The following ZNF148 variants were observed in gnomAD, a reference collection of about 807,000 sequenced individuals.
ZNF148 encodes the protein Beta-Enolase Repressor Factor-1.
In ZNF148, 7 loss-of-function variants were observed where a neutral mutation model predicts 67.7. The observed-to-expected ratio is 0.10, with a 90% CI of 0.06 to 0.19. The LOEUF is 0.19. ZNF148 is among the 10% of genes least tolerant of loss of function. ZNF148 has a pLI of 1.00. For missense variants in ZNF148, 583 were observed against 947.1 expected (o/e 0.62, Z 5.05); for synonymous variants, 333 against 330.7 (o/e 1.01, Z -0.08).
intron 7 of ZNF148, among the ~76,000 whole-genome samples, chr3:125,237,817 T>G: frequency 6.6e-6 from 1 of 152,122 alleles, no homozygotes; most frequent in East Asian, 1.9e-4. Flanking sequence ...AATTCGCATC[T>G]AAAAGAGCCA....
intron 5 of ZNF148, among the ~76,000 whole-genome samples, chr3:125,280,783 C>T (rs1455051): frequency 0.77 from 105,190 of 135,764 alleles, 41,079 homozygotes; most frequent in African/African-American, 0.85. Context: ...AAAGGCACAA[C>T]ATTATGCTGA....
intron 1 of ZNF148, among the ~76,000 whole-genome samples, chr3:125,369,261 CAAAAAA>C (rs71148178): frequency 3.1e-4 from 4 of 12,890 alleles, no homozygotes; most frequent in Non-Finnish European, 4.7e-4. Flanking sequence ...GATCCTGCCT[CAAAAAA>C]AAAAAAAAAA....
At chr3:125,327,731 C>T (rs1941091556) in intron 2 of ZNF148, among the ~76,000 whole-genome samples, 1 of 152,048 alleles carries the variant, frequency 6.6e-6, no homozygotes, top group South Asian at 2.1e-4. Context: ...GGGAAATCCA[C>T]AAACATTTGG....
chr3:125,253,764 G>A (rs1037110693), intron 7 of ZNF148, among the ~76,000 whole-genome samples: 2 of 152,114 alleles, frequency 1.3e-5, no homozygotes, highest in East Asian at 1.9e-4. Flanking sequence ...TACTTGAAAA[G>A]TTGATGTTGT....
intron 7 of ZNF148, among the ~76,000 whole-genome samples, chr3:125,256,056 C>T (rs1273865791): frequency 1.3e-5 from 2 of 151,890 alleles, no homozygotes; most frequent in African/African-American, 4.8e-5. Context: ...ATATGCCCAG[C>T]TTTCCTCAAT....
At chr3:125,276,135 A>T (rs1246166913) in intron 7 of ZNF148, among the ~76,000 whole-genome samples, 1 of 152,308 alleles carries the variant, frequency 6.6e-6, no homozygotes, top group African/African-American at 2.4e-5. Context: ...TGTTGAATGA[A>T]TGAGTAAAAT....
chr3:125,347,091 T>TA (rs1941971983), intron 1 of ZNF148, among the ~76,000 whole-genome samples: 2 of 152,038 alleles, frequency 1.3e-5, no homozygotes, highest in African/African-American at 4.8e-5. Flanking sequence ...CATAAGCACT[T>TA]ATAATAGCAG....
At chr3:125,368,614 A>T (rs1344693433) in intron 1 of ZNF148, among the ~76,000 whole-genome samples, 1 of 152,198 alleles carries the variant, frequency 6.6e-6, no homozygotes, top group Non-Finnish European at 1.5e-5. Flanking sequence ...CATCAATAAG[A>T]CCATTCAGAA....
chr3:125,285,085 G>C (rs967287549), intron 5 of ZNF148, among the ~76,000 whole-genome samples: 1 of 152,150 alleles, frequency 6.6e-6, no homozygotes, highest in African/African-American at 2.4e-5. Context: ...TATCACATTA[G>C]TTATACTTCT....
intron 7 of ZNF148, among the ~76,000 whole-genome samples, chr3:125,239,405 C>A (rs1936244206): frequency 6.6e-6 from 1 of 152,048 alleles, no homozygotes; most frequent in African/African-American, 2.4e-5. Context: ...TACAAATGAC[C>A]AATCAGCACA....
intron 1 of ZNF148, among the ~76,000 whole-genome samples, chr3:125,356,783 T>C (rs1428804085): frequency 1.3e-5 from 2 of 152,232 alleles, no homozygotes; most frequent in African/African-American, 2.4e-5. Context: ...CAAGTAGTTC[T>C]TTCCTGGCAT....
At chr3:125,255,436 G>A (rs562829207) in intron 7 of ZNF148, among the ~76,000 whole-genome samples, 21 of 151,700 alleles carry the variant, frequency 1.4e-4, no homozygotes, top group African/African-American at 4.6e-4. Context: ...TAGTAGAGAC[G>A]GGGTTTCCCC....
chr3:125,367,664 G>A (rs758484674), intron 1 of ZNF148, among the ~76,000 whole-genome samples: 2 of 152,226 alleles, frequency 1.3e-5, no homozygotes, highest in African/African-American at 2.4e-5. Context: ...CAACAAGCTC[G>A]TGTCTACTGG....
chr3:125,288,609 A>C (rs1258542585), intron 4 of ZNF148, among the ~76,000 whole-genome samples: 3 of 152,154 alleles, frequency 2.0e-5, no homozygotes, highest in Non-Finnish European at 4.4e-5. Flanking sequence ...TCCAAAATTC[A>C]ACACAATACT....
intron 1 of ZNF148, among the ~76,000 whole-genome samples, chr3:125,343,319 T>A (rs1941807977): frequency 6.6e-6 from 1 of 152,060 alleles, no homozygotes; most frequent in Non-Finnish European, 1.5e-5. Context: ...AAAAAGGTCC[T>A]ATTATGTGGT....
At chr3:125,318,441 G>C (rs1940622012) in intron 3 of ZNF148, among the ~76,000 whole-genome samples, 1 of 152,162 alleles carries the variant, frequency 6.6e-6, no homozygotes, top group Non-Finnish European at 1.5e-5. Context: ...ACACAGAAGA[G>C]AGGAGGAAAG....
At chr3:125,292,260 G>T (rs901943188) in intron 4 of ZNF148, among the ~76,000 whole-genome samples, 1 of 152,098 alleles carries the variant, frequency 6.6e-6, no homozygotes, top group Non-Finnish European at 1.5e-5. Context: ...AATTTTGAAA[G>T]GAGCTACATT....
At chr3:125,366,224 T>A (rs940934076) in intron 1 of ZNF148, among the ~76,000 whole-genome samples, 1 of 152,234 alleles carries the variant, frequency 6.6e-6, no homozygotes, top group Non-Finnish European at 1.5e-5. Context: ...ATCAATTTTA[T>A]GAGAAAATGG....
At chr3:125,293,785 T>C (rs1231555773) in intron 4 of ZNF148, among the ~76,000 whole-genome samples, 1 of 151,318 alleles carries the variant, frequency 6.6e-6, no homozygotes, top group Non-Finnish European at 1.5e-5. Context: ...ATAGAAGGAA[T>C]GCGGAAAAGA....
Sources: allele counts gnomAD v4.1 joint callset (sites outside exome capture counted in the v4.1 genomes callset), GRCh38; gene constraint gnomAD v4.1.1; transcripts MANE v1.5; gene names NCBI Gene and HGNC (gene_info 2026-07-23, HGNC 2026-07-21).